Variants in CAMTA1 observed in about 807,000 individuals in gnomAD.
The protein encoded by CAMTA1 is calmodulin-binding transcription activator 1.
CAMTA1 carries 27 observed loss-of-function variants against 170.9 expected under a neutral mutation model. The observed-to-expected ratio is 0.16, with a 90% CI of 0.12 to 0.22. The LOEUF (loss-of-function observed/expected upper bound fraction) is 0.22, where lower values mean the gene tolerates loss of function less well. Among genes scored for constraint, CAMTA1 ranks in the 10% least tolerant of loss-of-function variants. The pLI is 1.00. For synonymous variants in CAMTA1, 833 were observed against 891.5 expected (o/e 0.93, Z 1.17); for missense variants, 1,619 against 2,217.2 (o/e 0.73, Z 5.42).
At position 7,678,752 on chromosome 1, in the gene CAMTA1, G is replaced by A. The variant is rs189045600; in HGVS notation, c.2914+1019G>A. Among the ~76,000 whole-genome samples the A allele has an allele frequency of 3.9e-5, 6 of 152,284 alleles. No homozygotes were observed. In the East Asian group the frequency reaches 9.7e-4, roughly 25 times the overall value. On this transcript the variant is annotated intron_variant, in intron 11 of 22. Transcript: ENST00000303635. ...AGACCTTGCTAGCCCAGGATGTTGA[G>A]GTCTGGGCTAAGCTGAGCCTGAGCC...
At chr1:7,457,954 A>G (rs1318316550) in intron 5 of CAMTA1, among the ~76,000 whole-genome samples, 1 of 152,158 alleles carries the variant, frequency 6.6e-6, no homozygotes, top group Non-Finnish European at 1.5e-5. Context: ...CCCCACGGCC[A>G]GAGGCCCGCA....
At chr1:7,027,627 G>A (rs890306740) in intron 3 of CAMTA1, among the ~76,000 whole-genome samples, 3 of 152,160 alleles carry the variant, frequency 2.0e-5, no homozygotes, top group Non-Finnish European at 2.9e-5. Flanking sequence ...TTCAAAAGAC[G>A]GAAGCATGGC....
chr1:7,726,119 G>A (rs2096684285), intron 11 of CAMTA1, among the ~76,000 whole-genome samples: 1 of 152,254 alleles, frequency 6.6e-6, no homozygotes, highest in African/African-American at 2.4e-5. Context: ...TTAGATCCAG[G>A]AGTTATGGGA....
At chr1:7,543,676 A>T (rs1454856255) in intron 6 of CAMTA1, among the ~76,000 whole-genome samples, 1 of 152,246 alleles carries the variant, frequency 6.6e-6, no homozygotes, top group Non-Finnish European at 1.5e-5. Context: ...TCTGAAATAG[A>T]CAATTCTGAT....
chr1:7,189,718 A>T (rs1654155167), intron 4 of CAMTA1, among the ~76,000 whole-genome samples: 1 of 152,260 alleles, frequency 6.6e-6, no homozygotes, highest in Admixed American at 6.5e-5. Context: ...TATGGAAAGC[A>T]GTGTGGAGAT....
intron 6 of CAMTA1, among the ~76,000 whole-genome samples, chr1:7,620,790 C>T (rs956432890): frequency 2.0e-5 from 3 of 152,104 alleles, no homozygotes; most frequent in Non-Finnish European, 4.4e-5. Flanking sequence ...CAAATTTTGG[C>T]CGGGGCTGAG....
At chr1:7,161,595 C>A (rs1647223525) in intron 4 of CAMTA1, among the ~76,000 whole-genome samples, 1 of 152,218 alleles carries the variant, frequency 6.6e-6, no homozygotes, top group Non-Finnish European at 1.5e-5. Flanking sequence ...TCTCTCTTTG[C>A]CTGCTACCAT....
intron 5 of CAMTA1, among the ~76,000 whole-genome samples, chr1:7,311,219 A>T (rs1001032398): frequency 6.6e-6 from 1 of 152,176 alleles, no homozygotes; most frequent in Non-Finnish European, 1.5e-5. Flanking sequence ...AATCCTTTTC[A>T]TCTTCTTCTA....
intron 9 of CAMTA1, among the ~76,000 whole-genome samples, chr1:7,667,292 G>T: frequency 6.6e-6 from 1 of 151,850 alleles, no homozygotes; most frequent in East Asian, 1.9e-4. Context: ...CATCTTCCCC[G>T]TGCCCCCTGA....
chr1:6,902,079 A>AGAAAAAAT (rs1553180495), intron 3 of CAMTA1, among the ~76,000 whole-genome samples: 5 of 75,190 alleles, frequency 6.6e-5, no homozygotes, highest in African/African-American at 1.5e-4. Context: ...ACACAAAAAA[A>AGAAAAAAT]AAAATAAAAA....
In CAMTA1 at chr1:7,664,786, G is replaced by A. The variant is rs368952127; in HGVS notation, c.2239G>A (p.Val747Met). Residue 747 changes from valine (V) to methionine (M), a missense_variant, in exon 9 of 23, where the codon GTG (valine) becomes ATG (methionine). This residue lies in a region of CAMTA1 where 731 missense variants were observed against 907.6 expected (regional missense o/e 0.81). Coordinates refer to ENST00000303635, the MANE Select transcript of CAMTA1 (RefSeq NM_015215.4). ...PGNVVQGLYPVAQPSLGNASN... is the reference protein window; with the variant it reads ...PGNVVQGLYPMAQPSLGNASN... Reference sequence around the variant, plus strand: ...CAACGTGGTGCAGGGACTCTACCCCGTGGCCCAGCCCAGCCTCGGCAACGC... The same window carrying A: ...CAACGTGGTGCAGGGACTCTACCCCATGGCCCAGCCCAGCCTCGGCAACGC... 18 of 1,612,536 alleles carry A rather than the reference G, an allele frequency of 1.1e-5. No homozygotes were observed. In the African/African-American group the frequency reaches 1.2e-4, roughly 11 times the overall value.
At chr1:7,025,152 C>A (rs988997787) in intron 3 of CAMTA1, among the ~76,000 whole-genome samples, 1 of 152,160 alleles carries the variant, frequency 6.6e-6, no homozygotes, top group Non-Finnish European at 1.5e-5. Context: ...CAGCTATGTG[C>A]GTAATGAGAT....
chr1:7,620,097 T>C (rs1238523281), intron 6 of CAMTA1, among the ~76,000 whole-genome samples: 1 of 152,174 alleles, frequency 6.6e-6, no homozygotes, highest in Non-Finnish European at 1.5e-5. Flanking sequence ...CTCTTCTCCA[T>C]CCTTGCTGGA....
chr1:7,258,738 T>C (rs1667761115), intron 5 of CAMTA1, among the ~76,000 whole-genome samples: 1 of 152,214 alleles, frequency 6.6e-6, no homozygotes, highest in Non-Finnish European at 1.5e-5. Flanking sequence ...TCTGCATCTT[T>C]CATTGCTGGG....
At chr1:7,437,046 G>T (rs994157938) in intron 5 of CAMTA1, among the ~76,000 whole-genome samples, 13 of 152,116 alleles carry the variant, frequency 8.5e-5, no homozygotes, top group Admixed American at 3.9e-4. Flanking sequence ...GGCTTGGCCA[G>T]GTGGGACAGG....
intron 4 of CAMTA1, among the ~76,000 whole-genome samples, chr1:7,102,014 T>C (rs187644467): frequency 3.0e-4 from 44 of 147,464 alleles, no homozygotes; most frequent in African/African-American, 9.8e-4. Context: ...CACACATGCA[T>C]AAATACACAA....
chr1:7,467,703 C>T (rs2093244291), intron 5 of CAMTA1, 127 bp from the exon 6 acceptor site: 1 of 844,122 alleles, frequency 1.2e-6, no homozygotes, highest in South Asian at 1.3e-5. Context: ...CGCAGAGGTG[C>T]CCTCGGTCTC....
Position 7,146,891 on chromosome 1 carries a change from T to G in CAMTA1, c.302+55520T>G, listed in dbSNP as rs1043577954. ...ACATGTACACAGACACTCAAACATATGCCGTGCATACACATACACATCACA... is the reference window on the plus strand; with the variant it reads ...ACATGTACACAGACACTCAAACATAGGCCGTGCATACACATACACATCACA... On this transcript the variant is annotated intron_variant, in intron 4 of 22. Transcript: ENST00000303635. The surrounding 1 kb of genome is among the most constrained non-coding windows in gnomAD (Gnocchi z 4.3). Among the ~76,000 whole-genome samples, 26 of 151,454 alleles carry G rather than the reference T, an allele frequency of 1.7e-4. No individual in the cohort carries two copies. Among genetic ancestry groups the G allele is most frequent in the African/African-American group, 6.3e-4 (26 of 41,224 alleles).
chr1:7,064,281 T>TCTCC lies in CAMTA1; in HGVS notation c.235-27011_235-27008dup, dbSNP rs1353128202. On this transcript the variant is annotated intron_variant, in intron 3 of 22. Transcript: ENST00000303635. This position sits in a 1 kb window ranked among gnomAD's most constrained non-coding sequence, Gnocchi z 5.4. ...TCCTCTTGTTCTCTCTCTCTCACTC[T>TCTCC]CTCCCTCCCTCCCTCTCTCCTTATG... Among the ~76,000 whole-genome samples, 2 of 151,930 alleles carry TCTCC rather than the reference T, an allele frequency of 1.3e-5. No homozygotes were observed. The highest frequency in any genetic ancestry group is 2.1e-4 in the South Asian group (1 of 4,806).
Sources: gnomAD v4.1 joint callset for allele counts (sites outside exome capture counted in the v4.1 genomes callset) on GRCh38, gnomAD v4.1.1 for gene constraint, gnomAD v4.1.1 regional missense constraint, Gnocchi (gnomAD v3.1) non-coding constraint, MANE v1.5 for transcripts, NCBI Gene and HGNC (gene_info 2026-07-23, HGNC 2026-07-21) for gene names.